The following ADRA1B variants were observed in gnomAD, a reference collection of about 807,000 sequenced individuals.
ADRA1B encodes the protein adrenoceptor alpha 1B.
In ADRA1B, 17 loss-of-function variants were observed where a neutral mutation model predicts 17.9. The ratio of observed to expected loss-of-function variants is 0.95; its 90% CI spans 0.65 to 1.42. The LOEUF is 1.42. ADRA1B is among the 40% of genes most tolerant of loss of function. The pLI is 0.00. For synonymous variants in ADRA1B, 366 were observed against 327.6 expected, an observed-to-expected ratio of 1.12 and a Z score of -1.27; for missense variants, 681 against 722.1, an observed-to-expected ratio of 0.94 and a Z score of 0.65.
At chr5:159,898,999 TA>T (rs1257923173) in intron 1 of ADRA1B, among the ~76,000 whole-genome samples, 1 of 151,914 alleles carries the variant, frequency 6.6e-6, no homozygotes, top group Non-Finnish European at 1.5e-5. Context: ...GTTTTTTAAT[TA>T]GCCAAGTGTG....
chr5:159,932,402 C>T (rs1234589726), intron 1 of ADRA1B, among the ~76,000 whole-genome samples: 1 of 152,190 alleles, frequency 6.6e-6, no homozygotes, highest in Non-Finnish European at 1.5e-5. Context: ...AAGCGATCAT[C>T]CTGCCTCAGC....
chr5:159,923,668 C>A (rs1581037246), intron 1 of ADRA1B, among the ~76,000 whole-genome samples: 1 of 152,260 alleles, frequency 6.6e-6, no homozygotes, highest in African/African-American at 2.4e-5. Flanking sequence ...GACAGAATGT[C>A]CAACCCAAAA....
chr5:159,946,413 T>A (rs1181562806), intron 1 of ADRA1B, among the ~76,000 whole-genome samples: 2 of 152,148 alleles, frequency 1.3e-5, no homozygotes, highest in African/African-American at 4.8e-5. Context: ...ATTCACAAAA[T>A]GAACACATCC....
At chr5:159,943,349 T>G (rs2113237195) in intron 1 of ADRA1B, among the ~76,000 whole-genome samples, 1 of 152,334 alleles carries the variant, frequency 6.6e-6, no homozygotes, top group Admixed American at 6.5e-5. Flanking sequence ...CTTTTTCTGT[T>G]TGTAAATCGA....
chr5:159,974,396 A>G (rs1286475624), downstream of ADRA1B, among the ~76,000 whole-genome samples: 1 of 152,222 alleles, frequency 6.6e-6, no homozygotes, highest in Admixed American at 6.5e-5. Flanking sequence ...GCACTTTGGG[A>G]GGCCGAGACG....
chr5:159,986,126 A>T, the ADRA1B span, among the ~76,000 whole-genome samples: 2 of 152,294 alleles, frequency 1.3e-5, no homozygotes, highest in East Asian at 3.9e-4. Context: ...CTTTTAAGAG[A>T]CAATGCTCAC....
chr5:159,939,335 G>GCGCGCGCA (rs1369737666), intron 1 of ADRA1B, among the ~76,000 whole-genome samples: 1 of 116,498 alleles, frequency 8.6e-6, no homozygotes, highest in African/African-American at 2.8e-5. Context: ...GCGCGCGCGC[G>GCGCGCGCA]CACACAATGC....
chr5:159,881,180 CAAAAAAAA>C (rs35928792), intron 1 of ADRA1B, among the ~76,000 whole-genome samples: 9,826 of 56,650 alleles, frequency 0.17, 409 homozygotes, highest in African/African-American at 0.21. Context: ...GACTCCGTCT[CAAAAAAAA>C]AAAAAAAAAA....
At chr5:159,878,037 G>A (rs541463580) in intron 1 of ADRA1B, among the ~76,000 whole-genome samples, 2 of 152,266 alleles carry the variant, frequency 1.3e-5, no homozygotes, top group East Asian at 3.9e-4. Context: ...AGAAAAACAG[G>A]TTCAGGTCTC....
At chr5:159,960,526 C>T (rs1159820840) in intron 1 of ADRA1B, among the ~76,000 whole-genome samples, 2 of 152,174 alleles carry the variant, frequency 1.3e-5, no homozygotes, top group African/African-American at 4.8e-5. Flanking sequence ...CAATACTTCT[C>T]ACCTCAGGAT....
At chr5:159,918,899 T>G (rs75038956) in intron 1 of ADRA1B, among the ~76,000 whole-genome samples, 3,985 of 152,178 alleles carry the variant, frequency 0.026, 80 homozygotes, top group Non-Finnish European at 0.036. Context: ...ATGGAGGGAG[T>G]TTATCATGAC....
downstream of ADRA1B, among the ~76,000 whole-genome samples, chr5:159,974,984 C>G (rs1023782258): frequency 6.6e-6 from 1 of 152,182 alleles, no homozygotes; most frequent in Non-Finnish European, 1.5e-5. Flanking sequence ...CTTTTACATT[C>G]CCCTCTGCTA....
At position 159,922,365 on chromosome 5, in the gene ADRA1B, A is replaced by G. The variant is rs553373579; in HGVS notation, c.949+4511A>G. 2.6e-5 allele frequency among the ~76,000 whole-genome samples: 4 copies of G among 152,356 alleles called. No individual in the cohort carries two copies. In the South Asian group the frequency reaches 8.3e-4, roughly 32 times the overall value. On this transcript the variant is annotated intron_variant, in intron 1 of 1. Transcript: ENST00000306675. Reference sequence around the variant, plus strand: ...AAGTAAGTGATAGGGCCAAAAGTTGAATCCAAGTCCGTCAGAACAGACCCA... The same window carrying G: ...AAGTAAGTGATAGGGCCAAAAGTTGGATCCAAGTCCGTCAGAACAGACCCA...
intron 1 of ADRA1B, among the ~76,000 whole-genome samples, chr5:159,945,576 A>G (rs1289265488): frequency 6.6e-6 from 1 of 152,284 alleles, no homozygotes. Context: ...GCACAGAAGC[A>G]GGAGGAGAGA....
Position 159,874,899 on chromosome 5 carries a change from T to C in ADRA1B, c.-256+9693T>C, listed in dbSNP as rs529950626. On this transcript the variant is annotated intron_variant, in intron 1 of 2. Transcript: ENST00000641205. ...TGCACGAAAAGGGTATGTCCTTGTA[T>C]TTTCCATGGGATATTTTCTTTAGCT... 1.1e-3 allele frequency among the ~76,000 whole-genome samples: 166 copies of C among 152,328 alleles called. 2 individuals are homozygous for C. The highest frequency in any genetic ancestry group is 3.8e-3 in the African/African-American group (157 of 41,570).
intron 1 of ADRA1B, among the ~76,000 whole-genome samples, chr5:159,894,543 A>G (rs758077110): frequency 6.6e-6 from 1 of 152,226 alleles, no homozygotes; most frequent in Non-Finnish European, 1.5e-5. Flanking sequence ...TTTTGCTACA[A>G]AAACTGTAAA....
chr5:159,904,154 GTA>G (rs1754133026), intron 1 of ADRA1B, among the ~76,000 whole-genome samples: 1 of 152,140 alleles, frequency 6.6e-6, no homozygotes, highest in Non-Finnish European at 1.5e-5. Flanking sequence ...CATTTGTTTA[GTA>G]TTTGAACAAT....
At chr5:159,955,421 G>T (rs1755534440) in intron 1 of ADRA1B, among the ~76,000 whole-genome samples, 1 of 152,226 alleles carries the variant, frequency 6.6e-6, no homozygotes, top group Non-Finnish European at 1.5e-5. Flanking sequence ...TCAGAAAGAA[G>T]AGGGCAGGGA....
At chr5:159,889,004 T>C (rs761364373) in intron 1 of ADRA1B, among the ~76,000 whole-genome samples, 2 of 152,210 alleles carry the variant, frequency 1.3e-5, no homozygotes, top group Non-Finnish European at 2.9e-5. Context: ...AAGCTAGTAC[T>C]GAGCTTCTAT....
Sources: gnomAD v4.1 joint callset for allele counts (sites outside exome capture counted in the v4.1 genomes callset) on GRCh38, gnomAD v4.1.1 for gene constraint, MANE v1.5 for transcripts, NCBI Gene and HGNC (gene_info 2026-07-23, HGNC 2026-07-21) for gene names.